The following TRIML2 variants were observed in gnomAD, a reference collection of about 807,000 sequenced individuals.
TRIML2 encodes probable E3 ubiquitin-protein ligase TRIML2.
In TRIML2, 28 loss-of-function variants were observed where a neutral mutation model predicts 31.2. That is an observed-to-expected ratio of 0.90 (90% CI 0.66 to 1.23). TRIML2 has a LOEUF of 1.23. TRIML2 is among the 50% of genes most tolerant of loss of function. The pLI is 0.00. For missense variants in TRIML2, 536 were observed against 528.3 expected (o/e 1.01, Z -0.14); for synonymous variants, 187 against 197.5 (o/e 0.95, Z 0.45).
intron 3 of TRIML2, among the ~76,000 whole-genome samples, chr4:188,103,986 T>C (rs1014392237): frequency 6.6e-6 from 1 of 152,170 alleles, no homozygotes; most frequent in Non-Finnish European, 1.5e-5. Flanking sequence ...CGGGGATACC[T>C]TGCACAGAAT....
At chr4:188,104,344 T>C (rs745972099) in intron 3 of TRIML2, among the ~76,000 whole-genome samples, 2 of 152,122 alleles carry the variant, frequency 1.3e-5, no homozygotes, top group Non-Finnish European at 2.9e-5. Context: ...AAATTTCTAG[T>C]CTTTTCCTTA....
intron 3 of TRIML2, among the ~76,000 whole-genome samples, chr4:188,103,622 CTT>C (rs1733899947): frequency 2.0e-5 from 3 of 152,164 alleles, no homozygotes; most frequent in Non-Finnish European, 1.5e-5. Context: ...GTTCTGATCA[CTT>C]TATTTACAAG....
intron 1 of TRIML2, among the ~76,000 whole-genome samples, chr4:188,107,168 C>T (rs1046702620): frequency 1.7e-4 from 26 of 152,132 alleles, no homozygotes; most frequent in South Asian, 4.1e-4. Flanking sequence ...GCGCGTGAAA[C>T]CACACCCAGC....
chr4:188,104,654 C>T (rs1286357660), intron 3 of TRIML2, among the ~76,000 whole-genome samples, 183 bp downstream of exon 3: 1 of 152,208 alleles, frequency 6.6e-6, no homozygotes, highest in Non-Finnish European at 1.5e-5. Context: ...TGAGCCACCA[C>T]ACCCAGCTTC....
chr4:188,099,210 C>T (rs771287429), intron 4 of TRIML2, 35 bp from the exon 5 acceptor site: 3 of 1,556,842 alleles, frequency 1.9e-6, no homozygotes, highest in Admixed American at 4.2e-5. Flanking sequence ...ATTCAACAAC[C>T]TCAAGTTCAG....
chr4:188,091,852 C>T lies in TRIML2; in HGVS notation c.835G>A (p.Asp279Asn). ...AATCTTTCTGGGTTGCCAGCCCCAT[C>T]CTGCTGCCCATGTCTCAATCTCATA... is the stretch of plus-strand genomic sequence containing the variant. ...RTMRLRHGQQDGAGNPERLDF... is the reference protein window; with the variant it reads ...RTMRLRHGQQNGAGNPERLDF... Residue 279 changes from aspartate to asparagine, a missense_variant, in exon 8 of 8, where the codon GAT (aspartate) becomes AAT (asparagine). Asp to Asn is a conservative substitution (Grantham distance 23). Transcript: ENST00000682553. 6.2e-7 allele frequency: 1 copy of T among 1,614,174 alleles called. No individual in the cohort carries two copies. The highest frequency in any genetic ancestry group is 1.7e-5 in the Admixed American group (1 of 60,022).
intron 3 of TRIML2, 63 bp downstream of exon 3, chr4:188,104,774 C>T (rs1733952129): frequency 6.9e-6 from 9 of 1,298,844 alleles, no homozygotes; most frequent in Non-Finnish European, 1.0e-5. Flanking sequence ...GTTTATGATA[C>T]ACTATTTTCT....
At chr4:188,098,037 G>A (rs535699714) in intron 5 of TRIML2, among the ~76,000 whole-genome samples, 19 of 151,062 alleles carry the variant, frequency 1.3e-4, no homozygotes, top group African/African-American at 4.1e-4. Context: ...CAGGAGAATC[G>A]CTTGAACTGG....
Position 188,091,716 on chromosome 4 carries a change from G to C in TRIML2, c.971C>G (p.Ser324Cys). The C allele has an allele frequency of 6.2e-7, 1 of 1,613,882 alleles. No homozygotes were observed. Among genetic ancestry groups the C allele is most frequent in the Non-Finnish European group, 8.5e-7 (1 of 1,179,804 alleles). Residue 324 changes from serine to cysteine, a missense_variant, in exon 8 of 8, where the codon TCT (serine) becomes TGT (cysteine). Physicochemically the swap from Ser to Cys is moderately radical, Grantham distance 112. Coordinates refer to ENST00000682553, the MANE Select transcript of TRIML2 (RefSeq NM_173553.4). ...GGCCGTGCTGCCCTTCGCGTCTGCA[G>C]AGCCGTGGTATATGCCCACTTGCCA... ...TRWQVGIYHGSADAKGSTARA... is the reference protein window; with the variant it reads ...TRWQVGIYHGCADAKGSTARA...
rs1006197800 is a variant in TRIML2, at chr4:188,101,060, A to T, written c.476T>A (p.Leu159Gln). 1 of 1,606,994 alleles carries T rather than the reference A, an allele frequency of 6.2e-7. No homozygotes were observed. Among genetic ancestry groups the T allele is most frequent in the Non-Finnish European group, 8.5e-7 (1 of 1,175,922 alleles). The change falls in exon 4 of 8, where the codon CTA (leucine) becomes CAA (glutamine). Residue 159 changes from leucine (L) to glutamine (Q), a missense_variant. By Grantham distance (113) the Leu-to-Gln change is moderately radical (BLOSUM62 -2). Transcript: ENST00000682553. The part of the protein sequence containing the change: ...TELEEMFQEM[L>Q]QRLGRVGREN... ...ATGTTGTTTTCAATATCTCACCTGT[A>T]GCATTTCCTGGAACATCTCCTCTAG...
chr4:188,105,578 T>G lies in TRIML2; in HGVS notation c.-210A>C. 1 of 420,462 alleles carries G rather than the reference T, an allele frequency of 2.4e-6. No individual in the cohort carries two copies. The allele number at this position is 420,462 out of a possible 1,614,324, so 26.0% of individuals were successfully genotyped here. A position where few individuals can be genotyped will look rare whatever the true frequency, so the allele number is the denominator to read the frequency against. ...GGACTCCTCAAATCCAACAAATTTC[T>G]GGCAGCTGCCTGCTTGGGGAAAAGA... On this transcript the variant is annotated 5_prime_UTR_variant, in exon 2 of 8. Transcript: ENST00000682553.
chr4:188,097,338 T>C lies in TRIML2; in HGVS notation c.630A>G (p.Lys210=). ...EGTLALLKNA[K]YSLERSKSLL... is the part of the protein sequence containing the mutation. Reference sequence around the variant, plus strand: ...TGAAAACTCACCTTTCTAAAGAGTATTTTGCATTCTAAGGGAAAGAAAAGA... The same window carrying C: ...TGAAAACTCACCTTTCTAAAGAGTACTTTGCATTCTAAGGGAAAGAAAAGA... Residue 210 remains lysine, a synonymous_variant, in exon 6 of 8, where the codon AAA becomes AAG. Coordinates refer to ENST00000682553, the MANE Select transcript of TRIML2 (RefSeq NM_173553.4). 1 of 1,614,048 alleles carries C rather than the reference T, an allele frequency of 6.2e-7. No homozygotes were observed. The highest frequency in any genetic ancestry group is 1.3e-5 in the African/African-American group (1 of 75,046).
intron 7 of TRIML2, among the ~76,000 whole-genome samples, chr4:188,093,738 T>C (rs866578690): frequency 6.6e-5 from 10 of 151,216 alleles, no homozygotes; most frequent in Admixed American, 2.0e-4. Flanking sequence ...TCAACATTGA[T>C]TCATAAAAAT....
Position 188,105,497 on chromosome 4 carries a change from G to A in TRIML2, c.-129C>T. On this transcript the variant is annotated 5_prime_UTR_variant, in exon 2 of 8. Transcript: ENST00000682553. ...CAGGCACACACACTTGGCAACTTCA[G>A]AGTCCACGAAGATCCAAGGAAATAA... 1 of 621,418 alleles carries A rather than the reference G, an allele frequency of 1.6e-6. No homozygotes were observed. Among genetic ancestry groups the A allele is most frequent in the Non-Finnish European group, 2.6e-6 (1 of 386,740 alleles). The allele number at this position is 621,418 out of a possible 1,614,324, so 38.5% of individuals were successfully genotyped here.
Position 188,101,153 on chromosome 4 carries a change from T to C in TRIML2, c.383A>G (p.Gln128Arg). Residue 128 changes from glutamine (Q) to arginine (R), a missense_variant, in exon 4 of 8, where the codon CAG (glutamine) becomes CGG (arginine). Coordinates refer to ENST00000682553, the MANE Select transcript of TRIML2 (RefSeq NM_173553.4). The stretch of plus-strand genomic sequence containing the variant: ...CAGGTTCAAGTCAGATATGCATTCC[T>C]GCTGTCTCTGGAGATTCTGCTCACA... ...EECEQNLQRQ[Q>R]ECISDLNLRE... 1 of 1,613,928 alleles carries C rather than the reference T, an allele frequency of 6.2e-7. No individual in the cohort carries two copies. Among genetic ancestry groups the C allele is most frequent in the South Asian group, 1.1e-5 (1 of 91,072 alleles).
intron 1 of TRIML2, among the ~76,000 whole-genome samples, chr4:188,106,303 G>A (rs764865404): frequency 1.2e-4 from 18 of 151,998 alleles, no homozygotes; most frequent in Non-Finnish European, 2.6e-4. Flanking sequence ...CACCCGCCTC[G>A]GCCTCCCAAA....
At chr4:188,098,123 GAAAAAAAA>G (rs527418962) in intron 5 of TRIML2, 3 of 202,086 alleles carry the variant, frequency 1.5e-5, no homozygotes, top group African/African-American at 8.3e-5. Context: ...CCGTCTCGGG[GAAAAAAAA>G]AAAAAAAAAG....
At chr4:188,100,765 C>T (rs61015393) in intron 4 of TRIML2, among the ~76,000 whole-genome samples, 12,254 of 152,178 alleles carry the variant, frequency 0.081, 1,092 homozygotes, top group East Asian at 0.51. Context: ...TAAACTGAAA[C>T]TCAGTTTCAG....
rs566700436 is a variant in TRIML2, at chr4:188,101,139, C to T, written c.397G>A (p.Asp133Asn). 27 of 1,613,894 alleles carry T rather than the reference C, an allele frequency of 1.7e-5. No homozygotes were observed. The African/African-American group carries it at 3.1e-4, about 18-fold the overall frequency. Residue 133 changes from aspartate (D) to asparagine (N), a missense_variant, in exon 4 of 8, where the codon GAC becomes AAC. Transcript: ENST00000682553. ...NLQRQQECIS[D>N]LNLRETLLNQ... The stretch of plus-strand genomic sequence containing the variant: ...AGAAGGGTTTCTCTCAGGTTCAAGT[C>T]AGATATGCATTCCTGCTGTCTCTGG...
Sources: gnomAD v4.1 joint callset for allele counts (sites outside exome capture counted in the v4.1 genomes callset) on GRCh38, gnomAD v4.1.1 for gene constraint, MANE v1.5 for transcripts, NCBI Gene and HGNC (gene_info 2026-07-23, HGNC 2026-07-21) for gene names.